The following SPTBN1 variants were observed in gnomAD, a reference collection of about 807,000 sequenced individuals.
SPTBN1 encodes the protein spectrin beta chain, non-erythrocytic 1.
Under a neutral mutation model 266.4 loss-of-function variants are expected in SPTBN1, and 32 were observed. The ratio of observed to expected loss-of-function variants is 0.12; its 90% confidence interval spans 0.09 to 0.16. The LOEUF (loss-of-function observed/expected upper bound fraction) is 0.16. SPTBN1 is among the 10% of genes least tolerant of loss of function. The pLI, the probability that SPTBN1 is intolerant of heterozygous loss-of-function variation, is 1.00. For missense variants in SPTBN1, 2,296 were observed against 3,067.1 expected (o/e 0.75, Z 5.94); for synonymous variants, 1,336 against 1,162.2 (o/e 1.15, Z -3.04).
rs1365616056 is a variant in SPTBN1 at position 54,533,394 on chromosome 2, G to GTGTC, written c.148+6829_148+6830insGTCT. Among the ~76,000 whole-genome samples the GTGTC allele has an allele frequency of 7.4e-6, 1 of 135,082 alleles. No individual in the cohort carries two copies. Among genetic ancestry groups the GTGTC allele is most frequent in the African/African-American group, 2.8e-5 (1 of 35,846 alleles). 88.6% of individuals were successfully genotyped at this position (135,082 alleles called of 152,430 possible). A position where few individuals can be genotyped will look rare whatever the true frequency, so the allele number is the denominator to read the frequency against. On this transcript the variant is annotated intron_variant, in intron 2 of 35. Transcript: ENST00000356805. The surrounding 1 kb of genome is among the most constrained non-coding windows in gnomAD (Gnocchi z 4.2). ...TGTGTGTGTGTGTGTGTGTGTGTGT[G>GTGTC]TCTAAACCATTTGACTTCTAGTGAA...
chr2:54,496,774 A>G (rs1401651023), intron 1 of SPTBN1, among the ~76,000 whole-genome samples: 1 of 152,230 alleles, frequency 6.6e-6, no homozygotes, highest in Non-Finnish European at 1.5e-5. Flanking sequence ...TTAAGGTAGA[A>G]GGAAACAGGC....
intron 1 of SPTBN1, among the ~76,000 whole-genome samples, chr2:54,463,536 G>A (rs1693476671): frequency 6.6e-6 from 1 of 152,144 alleles, no homozygotes; most frequent in African/African-American, 2.4e-5. Flanking sequence ...AGTGACCTTG[G>A]GCAAACTGCC....
In SPTBN1 at chr2:54,655,099, A is replaced by G. The variant is rs1680559122; in HGVS notation, c.5852A>G (p.Asn1951Ser). 1 of 1,613,988 alleles carries G rather than the reference A, an allele frequency of 6.2e-7. No individual in the cohort carries two copies. The highest frequency in any genetic ancestry group is 8.5e-7 in the Non-Finnish European group (1 of 1,179,970). ...GTATCATCTGTTGAACTCTTAATGA[A>G]TAATCATCAAGGCATCAAAGCTGAA... ...RDVSSVELLM[N>S]NHQGIKAEID... is the part of the protein sequence containing the mutation. The change falls in exon 28 of 36, where the codon AAT becomes AGT. Residue 1951 changes from asparagine to serine, a missense_variant. Physicochemically the swap from Asn to Ser is conservative, Grantham distance 46. This residue lies in a region of SPTBN1 where 644 missense variants were observed against 745.3 expected (regional missense o/e 0.86). Coordinates refer to ENST00000356805, the MANE Select transcript of SPTBN1 (RefSeq NM_003128.3).
At position 54,664,910 on chromosome 2, in the gene SPTBN1, T is replaced by C. The variant is rs1681276311; in HGVS notation, c.6659+219T>C. ...AGAGTTGAGTTTGGATGGGAGTAGC[T>C]AGAAGGGGCTTTAGTAGTTCATCTA... On this transcript the variant is annotated intron_variant, in intron 33 of 35. Coordinates refer to ENST00000356805, the MANE Select transcript of SPTBN1 (RefSeq NM_003128.3). The surrounding 1 kb of genome is among the most constrained non-coding windows in gnomAD (Gnocchi z 5.6). 3.6e-6 allele frequency: 2 copies of C among 556,582 alleles called. No individual in the cohort carries two copies. Among genetic ancestry groups the C allele is most frequent in the Non-Finnish European group, 6.4e-6 (2 of 313,026 alleles). The allele number at this position is 556,582 out of a possible 1,614,324, so 34.5% of individuals were successfully genotyped here.
intron 2 of SPTBN1, 32 bp from the exon 3 acceptor site, chr2:54,599,060 C>A: frequency 6.2e-7 from 1 of 1,610,008 alleles, no homozygotes; most frequent in South Asian, 1.1e-5. Context: ...GTTCTGTGGT[C>A]AATGGTAAAA....
At chr2:54,499,735 C>G (rs1669150228) in intron 1 of SPTBN1, among the ~76,000 whole-genome samples, 1 of 152,156 alleles carries the variant, frequency 6.6e-6, no homozygotes, top group South Asian at 2.1e-4. Context: ...CTTCAGAAAC[C>G]TTCACATCTG....
At chr2:54,542,673 G>C (rs1171649032) in intron 2 of SPTBN1, among the ~76,000 whole-genome samples, 1 of 152,142 alleles carries the variant, frequency 6.6e-6, no homozygotes, top group Non-Finnish European at 1.5e-5. Flanking sequence ...GGACTGTTGT[G>C]TTCTTCCAGG....
chr2:54,584,908 G>A (rs1558869369), intron 2 of SPTBN1, among the ~76,000 whole-genome samples: 1 of 152,208 alleles, frequency 6.6e-6, no homozygotes, highest in South Asian at 2.1e-4. Flanking sequence ...TTTGGAGTGG[G>A]AGATAAAGGC....
intron 1 of SPTBN1, among the ~76,000 whole-genome samples, chr2:54,517,637 A>G (rs1041410988): frequency 2.7e-5 from 4 of 148,026 alleles, no homozygotes; most frequent in East Asian, 3.9e-4. Context: ...ATACAGCTCT[A>G]TGGTGCCTTT....
At chr2:54,507,137 C>A (rs192343247) in intron 1 of SPTBN1, among the ~76,000 whole-genome samples, 1 of 151,924 alleles carries the variant, frequency 6.6e-6, no homozygotes, top group Non-Finnish European at 1.5e-5. Flanking sequence ...GTACATTGAT[C>A]GGTTAGGGTG....
intron 2 of SPTBN1, chr2:54,527,914 T>A (rs1045509611): frequency 2.6e-5 from 4 of 152,224 alleles, no homozygotes; most frequent in African/African-American, 9.7e-5. Flanking sequence ...ACAAGTTGGC[T>A]AGAAAGATTG....
chr2:54,478,250 T>A (rs1156396333), intron 1 of SPTBN1, among the ~76,000 whole-genome samples: 1 of 152,038 alleles, frequency 6.6e-6, no homozygotes, highest in Non-Finnish European at 1.5e-5. Context: ...ATGAGAACGC[T>A]CGTGTTTCAT....
At chr2:54,572,457 G>A (rs1042292318) in intron 2 of SPTBN1, among the ~76,000 whole-genome samples, 1 of 152,182 alleles carries the variant, frequency 6.6e-6, no homozygotes, top group African/African-American at 2.4e-5. Flanking sequence ...AACAGTGTGA[G>A]TAATGCTTTG....
At chr2:54,482,666 G>A (rs894531411) in intron 1 of SPTBN1, among the ~76,000 whole-genome samples, 6 of 152,064 alleles carry the variant, frequency 3.9e-5, no homozygotes, top group South Asian at 2.1e-4. Flanking sequence ...CATTTCGAAT[G>A]CTCAGTAGCC....
At chr2:54,647,783 C>T (rs1215177887) in intron 24 of SPTBN1, among the ~76,000 whole-genome samples, 1 of 152,304 alleles carries the variant, frequency 6.6e-6, no homozygotes, top group East Asian at 1.9e-4. Flanking sequence ...TTTGAGTCTA[C>T]AGTGAACCAT....
intron 33 of SPTBN1, 102 bp from the exon 34 acceptor site, chr2:54,665,813 T>C (rs1681330733): frequency 7.6e-7 from 1 of 1,313,786 alleles, no homozygotes; most frequent in East Asian, 2.4e-5. Flanking sequence ...GGTCACACTG[T>C]GTTGTGTGAG....
At chr2:54,621,156 A>G (rs1041522539) in intron 7 of SPTBN1, among the ~76,000 whole-genome samples, 9 of 152,172 alleles carry the variant, frequency 5.9e-5, no homozygotes, top group African/African-American at 1.9e-4. Context: ...GTAGTAGGGC[A>G]AGGAGAGGAG....
At position 54,649,413 on chromosome 2, in the gene SPTBN1, A is replaced by G. The variant is rs1478195119; in HGVS notation, c.5203-202A>G. On this transcript the variant is annotated intron_variant, in intron 25 of 35. Coordinates refer to ENST00000356805, the MANE Select transcript of SPTBN1 (RefSeq NM_003128.3). The surrounding 1 kb of genome is among the most constrained non-coding windows in gnomAD (Gnocchi z 6.7). The stretch of plus-strand genomic sequence containing the variant: ...TCCGGTAGTAAAAGGAGGTGGAGGT[A>G]GTGCCTCACTCTGCTGCAGTGAGCA... Among the ~76,000 whole-genome samples, 1 of 152,214 alleles carries G rather than the reference A, an allele frequency of 6.6e-6. No homozygotes were observed. The highest frequency in any genetic ancestry group is 1.5e-5 in the Non-Finnish European group (1 of 68,026).
chr2:54,487,690 T>C (rs1249778603), intron 1 of SPTBN1, among the ~76,000 whole-genome samples: 1 of 152,146 alleles, frequency 6.6e-6, no homozygotes, highest in Non-Finnish European at 1.5e-5. Flanking sequence ...AATGAATAAA[T>C]GAATCAGTGA....
Sources: allele counts gnomAD v4.1 joint callset (sites outside exome capture counted in the v4.1 genomes callset), GRCh38; gene constraint gnomAD v4.1.1; regional missense constraint gnomAD v4.1.1; non-coding constraint Gnocchi (gnomAD v3.1); transcripts MANE v1.5; gene names NCBI Gene and HGNC (gene_info 2026-07-23, HGNC 2026-07-21).